The following DNAJC1 variants were observed in gnomAD, a reference collection of about 807,000 sequenced individuals.
The protein encoded by DNAJC1 is dnaJ homolog subfamily C member 1.
DNAJC1 carries 58 observed loss-of-function variants against 76.6 expected under a neutral mutation model. That is an observed-to-expected ratio of 0.76 (90% confidence interval 0.61 to 0.94). The LOEUF is 0.94. Among genes scored for constraint, DNAJC1 ranks in the 40% least tolerant of loss-of-function variants. The pLI is 0.00. For synonymous variants in DNAJC1, 258 were observed against 267.9 expected, an observed-to-expected ratio of 0.96 and a Z score of 0.36; for missense variants, 689 against 677.3, an observed-to-expected ratio of 1.02 and a Z score of -0.19.
chr10:21,807,664 A>G (rs754043008), intron 8 of DNAJC1, among the ~76,000 whole-genome samples: 2 of 152,220 alleles, frequency 1.3e-5, no homozygotes, highest in African/African-American at 2.4e-5. Flanking sequence ...AATAGCCAAT[A>G]GTAGGGAGGA....
chr10:21,945,742 G>A (rs1837493291), intron 1 of DNAJC1, among the ~76,000 whole-genome samples: 1 of 152,176 alleles, frequency 6.6e-6, no homozygotes, highest in African/African-American at 2.4e-5. Context: ...GATAGTAAGA[G>A]AGATCTTTTA....
intron 1 of DNAJC1, among the ~76,000 whole-genome samples, chr10:21,947,869 CTG>C (rs1404783984): frequency 8.5e-5 from 13 of 152,096 alleles, no homozygotes; most frequent in Non-Finnish European, 1.6e-4. Flanking sequence ...CTGAAAATAA[CTG>C]AAATATTTTA....
At chr10:21,826,690 GTA>G (rs1835262994) in intron 8 of DNAJC1, among the ~76,000 whole-genome samples, 1 of 151,922 alleles carries the variant, frequency 6.6e-6, no homozygotes, top group African/African-American at 2.4e-5. Flanking sequence ...ATACTATAAC[GTA>G]ATAGTCCAAT....
chr10:21,988,679 T>C (rs768117372), intron 1 of DNAJC1, among the ~76,000 whole-genome samples: 28 of 152,194 alleles, frequency 1.8e-4, no homozygotes, highest in Admixed American at 1.3e-4. Context: ...CATTGTCCTA[T>C]GTTTTCTTTT....
At chr10:21,849,699 G>A (rs1264343233) in intron 8 of DNAJC1, among the ~76,000 whole-genome samples, 1 of 151,998 alleles carries the variant, frequency 6.6e-6, no homozygotes, top group Non-Finnish European at 1.5e-5. Context: ...TATAGATATT[G>A]ATACAAAAAT....
Position 21,901,474 on chromosome 10 carries a change from CTTAT to C in DNAJC1, c.820+3044_820+3047del, listed in dbSNP as rs541460699. ...AAGTCTAATATTTATAAGTATTCAACTTATTTAAACCTAAACCACAAAATTGATT... is the reference window on the plus strand; with the variant it reads ...AAGTCTAATATTTATAAGTATTCAACTTAAACCTAAACCACAAAATTGATT... On this transcript the variant is annotated intron_variant, in intron 7 of 11. Coordinates refer to ENST00000376980, the MANE Select transcript of DNAJC1 (RefSeq NM_022365.4). Among the ~76,000 whole-genome samples the C allele has an allele frequency of 3.9e-5, 6 of 152,208 alleles. No individual in the cohort carries two copies. The East Asian group carries it at 1.2e-3, about 29-fold the overall frequency.
At chr10:21,885,990 C>A (rs949951212) in intron 7 of DNAJC1, among the ~76,000 whole-genome samples, 1 of 151,764 alleles carries the variant, frequency 6.6e-6, no homozygotes, top group African/African-American at 2.4e-5. Context: ...AAAATCAGAG[C>A]TGAAATGAAG....
At chr10:21,766,515 C>A (rs904232848) in intron 9 of DNAJC1, among the ~76,000 whole-genome samples, 9 of 152,186 alleles carry the variant, frequency 5.9e-5, no homozygotes, top group Non-Finnish European at 1.3e-4. Context: ...CCAAAACACC[C>A]ATCCACTCAG....
At chr10:21,809,048 A>G (rs1834924716) in intron 8 of DNAJC1, among the ~76,000 whole-genome samples, 1 of 152,186 alleles carries the variant, frequency 6.6e-6, no homozygotes, top group South Asian at 2.1e-4. Context: ...ATATTCCCAA[A>G]TCATGTACCT....
At chr10:21,784,924 A>T (rs1056112269) in intron 9 of DNAJC1, among the ~76,000 whole-genome samples, 8 of 152,166 alleles carry the variant, frequency 5.3e-5, no homozygotes, top group Non-Finnish European at 1.0e-4. Flanking sequence ...GGGGGAAGGG[A>T]TAGCATTAGG....
At chr10:21,967,944 T>A (rs947026880) in intron 1 of DNAJC1, among the ~76,000 whole-genome samples, 2 of 152,236 alleles carry the variant, frequency 1.3e-5, no homozygotes, top group African/African-American at 4.8e-5. Context: ...TGTTTCCAGC[T>A]TGACAGCCAT....
intron 8 of DNAJC1, among the ~76,000 whole-genome samples, chr10:21,841,868 C>T (rs1361327269): frequency 6.6e-6 from 1 of 152,020 alleles, no homozygotes; most frequent in Non-Finnish European, 1.5e-5. Flanking sequence ...CAATGATAGA[C>T]TGGATGAAGA....
intron 1 of DNAJC1, among the ~76,000 whole-genome samples, chr10:21,986,355 CATAAT>C (rs761101633): frequency 2.6e-5 from 4 of 152,282 alleles, no homozygotes; most frequent in South Asian, 4.1e-4. Context: ...TGCTAGTGGG[CATAAT>C]ATGTTATCTC....
intron 8 of DNAJC1, among the ~76,000 whole-genome samples, chr10:21,872,760 A>G (rs545516763): frequency 6.6e-6 from 1 of 152,334 alleles, no homozygotes; most frequent in African/African-American, 2.4e-5. Flanking sequence ...AGCAGGTAAG[A>G]AATATTTTGA....
intron 1 of DNAJC1, among the ~76,000 whole-genome samples, chr10:21,944,484 T>A (rs986152619): frequency 6.6e-6 from 1 of 152,196 alleles, no homozygotes; most frequent in Admixed American, 6.5e-5. Flanking sequence ...TATATTGTTT[T>A]AAGTTCCCAC....
chr10:21,817,508 A>G (rs926148221), intron 8 of DNAJC1, among the ~76,000 whole-genome samples: 1 of 152,108 alleles, frequency 6.6e-6, no homozygotes, highest in African/African-American at 2.4e-5. Flanking sequence ...TCCTGAAACA[A>G]TAACACTATC....
intron 8 of DNAJC1, among the ~76,000 whole-genome samples, chr10:21,816,033 C>A (rs572073970): frequency 6.6e-6 from 1 of 151,594 alleles, no homozygotes; most frequent in Non-Finnish European, 1.5e-5. Context: ...CATGAGCCAC[C>A]GCGCCCAGCC....
chr10:21,934,692 T>C (rs949718948), intron 1 of DNAJC1, among the ~76,000 whole-genome samples: 7 of 152,186 alleles, frequency 4.6e-5, no homozygotes, highest in African/African-American at 9.7e-5. Context: ...CCAGGAGCAA[T>C]AGGTTATACC....
chr10:21,912,503 T>C (rs1836880434), intron 6 of DNAJC1, among the ~76,000 whole-genome samples: 1 of 152,182 alleles, frequency 6.6e-6, no homozygotes, highest in Non-Finnish European at 1.5e-5. Context: ...GTAAGGTCAT[T>C]CCAGTTTGCC....
Sources: gnomAD v4.1 joint callset for allele counts (sites outside exome capture counted in the v4.1 genomes callset) on GRCh38, gnomAD v4.1.1 for gene constraint, MANE v1.5 for transcripts, NCBI Gene and HGNC (gene_info 2026-07-23, HGNC 2026-07-21) for gene names.